Variants in FOCAD observed in about 807,000 individuals in gnomAD.
The protein encoded by FOCAD is KIAA1797.
In FOCAD, 198 loss-of-function variants were observed where a neutral mutation model predicts 225.6. The observed-to-expected ratio is 0.88, with a 90% confidence interval of 0.78 to 0.99. The LOEUF (loss-of-function observed/expected upper bound fraction) is 0.99, where lower values mean the gene tolerates loss of function less well. FOCAD is among the 50% of genes least tolerant of loss of function. The pLI is 0.00. For synonymous variants in FOCAD, 897 were observed against 755.0 expected, an observed-to-expected ratio of 1.19 and a Z score of -3.08; for missense variants, 2,713 against 2,123.6, an observed-to-expected ratio of 1.28 and a Z score of -5.46.
intron 11 of FOCAD, among the ~76,000 whole-genome samples, chr9:20,795,007 A>G (rs1242706961): frequency 1.3e-5 from 2 of 152,224 alleles, no homozygotes; most frequent in Non-Finnish European, 2.9e-5. Flanking sequence ...AAATATCCAG[A>G]AAATTTTATT....
At chr9:20,940,576 G>A (rs768373992) in intron 28 of FOCAD, among the ~76,000 whole-genome samples, 2 of 152,118 alleles carry the variant, frequency 1.3e-5, no homozygotes, top group African/African-American at 4.8e-5. Flanking sequence ...GTGAGCCACT[G>A]CACCCAGCAT....
intron 25 of FOCAD, among the ~76,000 whole-genome samples, chr9:20,924,029 A>G (rs919130044): frequency 2.0e-5 from 3 of 152,224 alleles, no homozygotes; most frequent in Admixed American, 6.5e-5. Flanking sequence ...TTGTGATTAC[A>G]TCAATGGTAA....
chr9:20,930,126 C>G (rs541178038), intron 27 of FOCAD, among the ~76,000 whole-genome samples: 1 of 152,220 alleles, frequency 6.6e-6, no homozygotes, highest in South Asian at 2.1e-4. Context: ...CTTAAAGAGT[C>G]TTAATCTGTG....
At chr9:20,708,225 A>C (rs1247423161) in intron 1 of FOCAD, among the ~76,000 whole-genome samples, 2 of 152,178 alleles carry the variant, frequency 1.3e-5, no homozygotes, top group African/African-American at 4.8e-5. Context: ...AAAGATAAAA[A>C]TTGTCAAAAT....
At chr9:20,761,417 A>G (rs1311840116) in intron 6 of FOCAD, among the ~76,000 whole-genome samples, 1 of 151,398 alleles carries the variant, frequency 6.6e-6, no homozygotes, top group Non-Finnish European at 1.5e-5. Flanking sequence ...AGCCTCCGTT[A>G]TTTTTATTTT....
intron 18 of FOCAD, among the ~76,000 whole-genome samples, chr9:20,871,518 A>G (rs2131765260): frequency 6.6e-6 from 1 of 152,064 alleles, no homozygotes; most frequent in South Asian, 2.1e-4. Flanking sequence ...GTTGCACACA[A>G]CCAGGGGGAA....
chr9:20,795,555 G>A (rs890659010), intron 11 of FOCAD, among the ~76,000 whole-genome samples: 1 of 151,980 alleles, frequency 6.6e-6, no homozygotes, highest in African/African-American at 2.4e-5. Flanking sequence ...GGAGGCCGAG[G>A]TGGGCGGATC....
At chr9:20,911,489 TA>T (rs754071461) in intron 22 of FOCAD, among the ~76,000 whole-genome samples, 4 of 152,132 alleles carry the variant, frequency 2.6e-5, no homozygotes, top group African/African-American at 4.8e-5. Flanking sequence ...ATTATACAGA[TA>T]AAAATATGAA....
chr9:20,898,331 T>TC (rs994035320), intron 21 of FOCAD, among the ~76,000 whole-genome samples: 7 of 151,574 alleles, frequency 4.6e-5, no homozygotes, highest in Admixed American at 1.3e-4. Context: ...GTTTTTTTTT[T>TC]CTCGCTTATT....
intron 29 of FOCAD, among the ~76,000 whole-genome samples, chr9:20,945,407 G>A (rs1837076597): frequency 6.6e-6 from 1 of 152,148 alleles, no homozygotes; most frequent in Admixed American, 6.5e-5. Context: ...GTATGACCTC[G>A]TGGCCTGGCC....
At chr9:20,834,780 A>G (rs1489199220) in intron 15 of FOCAD, among the ~76,000 whole-genome samples, 1 of 152,070 alleles carries the variant, frequency 6.6e-6, no homozygotes, top group Non-Finnish European at 1.5e-5. Context: ...TGCACCATCC[A>G]GTATAATAGC....
At chr9:20,991,509 G>T (rs1841665989) in intron 42 of FOCAD, among the ~76,000 whole-genome samples, 1 of 152,062 alleles carries the variant, frequency 6.6e-6, no homozygotes, top group African/African-American at 2.4e-5. Flanking sequence ...TGTGCTTTGT[G>T]TCCCATTTAA....
At chr9:20,668,494 A>G (rs1563865425) in intron 2 of FOCAD, among the ~76,000 whole-genome samples, 1 of 152,208 alleles carries the variant, frequency 6.6e-6, no homozygotes, top group African/African-American at 2.4e-5. Context: ...TCCTATTTCC[A>G]TTTTTTATGT....
At chr9:20,904,185 C>A (rs7856620) in intron 21 of FOCAD, among the ~76,000 whole-genome samples, 6,377 of 151,908 alleles carry the variant, frequency 0.042, 179 homozygotes, top group African/African-American at 0.078. Context: ...TTGTTTCTAC[C>A]TTTTGGCTAT....
intron 28 of FOCAD, among the ~76,000 whole-genome samples, chr9:20,942,740 A>C (rs542398255): frequency 1.3e-5 from 2 of 152,318 alleles, no homozygotes; most frequent in South Asian, 2.1e-4. Flanking sequence ...AGGGAAAAAA[A>C]CAGAAAAGGT....
intron 25 of FOCAD, among the ~76,000 whole-genome samples, chr9:20,924,970 A>G (rs900357694): frequency 1.3e-5 from 2 of 152,172 alleles, no homozygotes; most frequent in Non-Finnish European, 2.9e-5. Flanking sequence ...TGAGCATTTA[A>G]CTAACCTTCA....
intron 20 of FOCAD, among the ~76,000 whole-genome samples, chr9:20,882,387 A>G (rs1830751131): frequency 1.3e-5 from 2 of 152,226 alleles, no homozygotes; most frequent in Non-Finnish European, 2.9e-5. Context: ...GCGACAAATT[A>G]GAGATTTTTC....
chr9:20,851,254 C>T (rs1827626785), intron 15 of FOCAD, among the ~76,000 whole-genome samples: 1 of 148,034 alleles, frequency 6.8e-6, no homozygotes, highest in Admixed American at 6.8e-5. Flanking sequence ...TTATTTAGAT[C>T]CATTGGTATA....
chr9:20,713,571 TA>T (rs1825050797), intron 1 of FOCAD, among the ~76,000 whole-genome samples: 1 of 152,220 alleles, frequency 6.6e-6, no homozygotes, highest in Admixed American at 6.5e-5. Flanking sequence ...ATTATTTGTT[TA>T]AAAAATTATC....
Sources: gnomAD v4.1 joint callset for allele counts (sites outside exome capture counted in the v4.1 genomes callset) on GRCh38, gnomAD v4.1.1 for gene constraint, MANE v1.5 for transcripts, NCBI Gene and HGNC (gene_info 2026-07-23, HGNC 2026-07-21) for gene names.